The following MYL4 variants were observed in gnomAD, a reference collection of about 807,000 sequenced individuals.
MYL4 encodes myosin light chain 4.
In MYL4, 16 loss-of-function variants were observed where a neutral mutation model predicts 21.6. The observed-to-expected ratio is 0.74, with a 90% confidence interval of 0.50 to 1.12. MYL4 has a LOEUF of 1.12. MYL4 is among the 50% of genes most tolerant of loss of function. The pLI is 0.00. For synonymous variants in MYL4, 82 were observed against 95.7 expected (o/e 0.86, Z 0.83); for missense variants, 249 against 252.9 (o/e 0.98, Z 0.11).
At chr17:47,202,526 C>A (rs1462673978) in intron 1 of MYL4, among the ~76,000 whole-genome samples, 1 of 152,184 alleles carries the variant, frequency 6.6e-6, no homozygotes, top group Non-Finnish European at 1.5e-5. Flanking sequence ...AAAACTACTT[C>A]ATATTAGTCA....
chr17:47,221,905 G>A (rs771552763), intron 4 of MYL4, 50 bp downstream of exon 4: 1 of 1,583,758 alleles, frequency 6.3e-7, no homozygotes, highest in East Asian at 2.3e-5. Flanking sequence ...ATGGAGGGGT[G>A]GGAGGTGCCA....
chr17:47,212,406 A>G (rs1049287037), intron 1 of MYL4, among the ~76,000 whole-genome samples: 10 of 152,230 alleles, frequency 6.6e-5, no homozygotes, highest in African/African-American at 1.9e-4. Flanking sequence ...AATAACAAGA[A>G]TCCTTGCCTG....
chr17:47,216,283 T>A (rs938293693), intron 2 of MYL4, among the ~76,000 whole-genome samples: 1 of 149,294 alleles, frequency 6.7e-6, no homozygotes, highest in Non-Finnish European at 1.5e-5. Context: ...GAACATCACC[T>A]CTAATACCTG....
chr17:47,219,272 T>G (rs1277350531), intron 2 of MYL4, among the ~76,000 whole-genome samples: 1 of 152,178 alleles, frequency 6.6e-6, no homozygotes, highest in Non-Finnish European at 1.5e-5. Context: ...CTCCCTTTGC[T>G]CTCACAGTGA....
At chr17:47,195,075 T>TTTTTTTTTTTTTTG in the MYL4 span, among the ~76,000 whole-genome samples, 1 of 147,414 alleles carries the variant, frequency 6.8e-6, no homozygotes, top group Non-Finnish European at 1.5e-5. Flanking sequence ...TTTTTTTTTT[T>TTTTTTTTTTTTTTG]GAGACAGAGT....
At chr17:47,207,352 A>G (rs1015729225), upstream of MYL4, among the ~76,000 whole-genome samples, 1 of 152,190 alleles carries the variant, frequency 6.6e-6, no homozygotes. Flanking sequence ...CTCTGCCTAT[A>G]AGTAGCTGAA....
At chr17:47,220,995 G>A (rs972771385) in intron 3 of MYL4, among the ~76,000 whole-genome samples, 9 of 152,284 alleles carry the variant, frequency 5.9e-5, no homozygotes, top group Admixed American at 5.2e-4. Flanking sequence ...GGCAGGAAAG[G>A]ACCAGAGGGC....
chr17:47,198,252 C>G (rs1170762398), upstream of MYL4, among the ~76,000 whole-genome samples: 2 of 152,118 alleles, frequency 1.3e-5, no homozygotes, highest in Non-Finnish European at 2.9e-5. Context: ...GAGAAATATT[C>G]TTATCCAATT....
upstream of MYL4, chr17:47,209,301 G>C: frequency 7.4e-7 from 1 of 1,343,218 alleles, no homozygotes; most frequent in East Asian, 2.3e-5. Flanking sequence ...CCCCTCTGTG[G>C]GGGCTCCTGC....
chr17:47,209,288 C>G (rs942617081), upstream of MYL4: 1 of 1,162,804 alleles, frequency 8.6e-7, no homozygotes, highest in Admixed American at 2.0e-5. Flanking sequence ...TGCTTTCACC[C>G]AGCCCCTCTG....
chr17:47,194,336 C>T, the MYL4 span, among the ~76,000 whole-genome samples: 6 of 152,214 alleles, frequency 3.9e-5, no homozygotes, highest in Non-Finnish European at 7.3e-5. Context: ...AGCTCTGTCT[C>T]TGGTGATAAG....
intron 1 of MYL4, among the ~76,000 whole-genome samples, chr17:47,212,883 G>C (rs1055466346): frequency 6.6e-6 from 1 of 152,192 alleles, no homozygotes. Flanking sequence ...GGTTTGGTCT[G>C]TTGGTCCTAG....
At chr17:47,219,301 T>G (rs1397482129) in intron 2 of MYL4, among the ~76,000 whole-genome samples, 1 of 152,010 alleles carries the variant, frequency 6.6e-6, no homozygotes. Flanking sequence ...GGGAGTGGGG[T>G]GTAGTTGTCA....
At chr17:47,223,941 C>A (rs935517533), downstream of MYL4, among the ~76,000 whole-genome samples, 1 of 152,186 alleles carries the variant, frequency 6.6e-6, no homozygotes, top group African/African-American at 2.4e-5. Context: ...TCCCTTTGGG[C>A]TCACCCTCTA....
the MYL4 span, among the ~76,000 whole-genome samples, chr17:47,194,668 C>A: frequency 1.3e-5 from 2 of 152,130 alleles, no homozygotes; most frequent in African/African-American, 2.4e-5. Context: ...CCCCACCCCC[C>A]AAATTCAGGA....
downstream of MYL4, chr17:47,223,689 G>T (rs1046571967): frequency 6.6e-6 from 1 of 152,184 alleles, no homozygotes; most frequent in Non-Finnish European, 1.5e-5. Flanking sequence ...ACCAGTCTCT[G>T]TTTTGTTTGT....
the MYL4 span, among the ~76,000 whole-genome samples, chr17:47,194,960 C>T: frequency 6.6e-6 from 1 of 151,194 alleles, no homozygotes; most frequent in Non-Finnish European, 1.5e-5. Flanking sequence ...AGGCTCTTCT[C>T]GAACTCCTGA....
downstream of MYL4, among the ~76,000 whole-genome samples, chr17:47,226,013 T>G (rs531182503): frequency 2.6e-3 from 403 of 152,274 alleles, 5 homozygotes; most frequent in Middle Eastern, 0.01. Flanking sequence ...GGTAGTTTTT[T>G]GATCCTCACC....
chr17:47,222,569 G>A, intron 5 of MYL4, 112 bp downstream of exon 5: 1 of 878,940 alleles, frequency 1.1e-6, no homozygotes, highest in Non-Finnish European at 1.8e-6. Context: ...GGTTTTTGTA[G>A]ACCCCCCATT....
Sources: gnomAD v4.1 joint callset for allele counts (sites outside exome capture counted in the v4.1 genomes callset) on GRCh38, gnomAD v4.1.1 for gene constraint, MANE v1.5 for transcripts, NCBI Gene and HGNC (gene_info 2026-07-23, HGNC 2026-07-21) for gene names.